Variants in USP49 observed in about 807,000 individuals in gnomAD.
USP49 encodes ubiquitin specific peptidase 49.
In USP49, 24 loss-of-function variants were observed where a neutral mutation model predicts 58.6. That is an observed-to-expected ratio of 0.41 (90% CI 0.30 to 0.58). USP49 has a LOEUF of 0.58. USP49 is among the 20% of genes least tolerant of loss of function. The pLI, the probability that USP49 is intolerant of heterozygous loss-of-function variation, is 0.30. For synonymous variants in USP49, 408 were observed against 365.1 expected (o/e 1.12, Z -1.34); for missense variants, 703 against 866.1 (o/e 0.81, Z 2.36).
rs928339877 is a variant in USP49, at chr6:41,790,808, G to A, written c.*5725C>T. 1.3e-5 allele frequency: 2 copies of A among 151,926 alleles called. No individual in the cohort carries two copies. The highest frequency in any genetic ancestry group is 1.3e-4 in the Admixed American group (2 of 15,260). 9.4% of individuals were successfully genotyped at this position (151,926 alleles called of 1,614,324 possible). A position where few individuals can be genotyped will look rare whatever the true frequency, so the allele number is the denominator to read the frequency against. On this transcript the variant is annotated 3_prime_UTR_variant, in exon 8 of 8. Transcript: ENST00000682992. ...AGATAGATCTTATCTGATAGATGAA[G>A]CTAAGACCCTTTGAGTCTACACTGG...
intron 3 of USP49, among the ~76,000 whole-genome samples, chr6:41,843,113 G>C (rs185248878): frequency 6.6e-6 from 1 of 152,280 alleles, no homozygotes; most frequent in East Asian, 1.9e-4. Context: ...GGGTTCAAGT[G>C]ATTCTCCTGC....
At chr6:41,841,025 A>C (rs988870866) in intron 3 of USP49, among the ~76,000 whole-genome samples, 3 of 148,968 alleles carry the variant, frequency 2.0e-5, no homozygotes, top group East Asian at 1.9e-4. Context: ...AAAAAAAAAA[A>C]CAAAAAACAA....
At chr6:41,832,258 A>G (rs779506268) in intron 3 of USP49, among the ~76,000 whole-genome samples, 1 of 152,156 alleles carries the variant, frequency 6.6e-6, no homozygotes, top group Non-Finnish European at 1.5e-5. Flanking sequence ...CTTCCCTTTG[A>G]TAAATTAACT....
At chr6:41,805,534 C>G (rs777148164) in intron 4 of USP49, 94 bp downstream of exon 4, 95 of 1,339,798 alleles carry the variant, frequency 7.1e-5, no homozygotes, top group Non-Finnish European at 9.2e-5. Context: ...CAAATGTGGG[C>G]TACTCTTATT....
chr6:41,809,218 T>C (rs545407527), intron 3 of USP49, among the ~76,000 whole-genome samples: 2 of 124,994 alleles, frequency 1.6e-5, no homozygotes, highest in South Asian at 5.7e-4. Context: ...GCCTAGTCTC[T>C]TTAAAATTAA....
intron 4 of USP49, among the ~76,000 whole-genome samples, chr6:41,804,392 C>T (rs1773072644): frequency 1.3e-5 from 2 of 152,188 alleles, no homozygotes; most frequent in Non-Finnish European, 2.9e-5. Context: ...TGGCATTCCT[C>T]CTCTTGACTT....
intron 3 of USP49, among the ~76,000 whole-genome samples, chr6:41,818,706 C>T (rs1773401563): frequency 6.6e-6 from 1 of 152,212 alleles, no homozygotes; most frequent in Non-Finnish European, 1.5e-5. Context: ...AATCCCAACA[C>T]ATGAATGTTC....
At chr6:41,825,948 C>A (rs1561910416) in intron 3 of USP49, among the ~76,000 whole-genome samples, 1 of 152,184 alleles carries the variant, frequency 6.6e-6, no homozygotes, top group Admixed American at 6.5e-5. Context: ...ACCATTCACA[C>A]AGAAACTTAA....
chr6:41,867,471 C>A (rs995905015), intron 3 of USP49, among the ~76,000 whole-genome samples: 1 of 151,286 alleles, frequency 6.6e-6, no homozygotes, highest in Admixed American at 6.6e-5. Flanking sequence ...TGGCCGGGCG[C>A]GGTGGCTCAA....
At chr6:41,811,637 A>C (rs929160625) in intron 3 of USP49, among the ~76,000 whole-genome samples, 12 of 152,082 alleles carry the variant, frequency 7.9e-5, no homozygotes, top group African/African-American at 2.7e-4. Context: ...TGGGTGCTCA[A>C]CTCTTAGTGG....
At chr6:41,836,905 C>T (rs985890163) in intron 3 of USP49, among the ~76,000 whole-genome samples, 1 of 151,776 alleles carries the variant, frequency 6.6e-6, no homozygotes, top group African/African-American at 2.4e-5. Flanking sequence ...TACAGCTAAT[C>T]AGGGAGGTGA....
chr6:41,797,382 G>C (rs1465703402), intron 7 of USP49, among the ~76,000 whole-genome samples: 2 of 152,228 alleles, frequency 1.3e-5, no homozygotes, highest in East Asian at 3.8e-4. Flanking sequence ...AGGAGGAGGA[G>C]AGGAGAAATG....
Position 41,791,249 on chromosome 6 carries a change from G to A in USP49, c.*5284C>T, listed in dbSNP as rs1249742088. 1 of 152,220 alleles carries A rather than the reference G, an allele frequency of 6.6e-6. No individual in the cohort carries two copies. Among genetic ancestry groups the A allele is most frequent in the East Asian group, 1.9e-4 (1 of 5,198 alleles). 9.4% of individuals were successfully genotyped at this position (152,220 alleles called of 1,614,324 possible). ...GGGTTTTAAAGCCATAATTATGGTT[G>A]AGTAAGGATTCATTTATTTATTTAT... On this transcript the variant is annotated 3_prime_UTR_variant, in exon 8 of 8. Transcript: ENST00000682992.
intron 3 of USP49, among the ~76,000 whole-genome samples, chr6:41,840,196 A>G (rs1384934007): frequency 6.6e-6 from 1 of 151,762 alleles, no homozygotes; most frequent in Non-Finnish European, 1.5e-5. Flanking sequence ...AACACGGTGA[A>G]ACCCTGTCTC....
At chr6:41,880,357 G>A (rs1774582606) in intron 2 of USP49, among the ~76,000 whole-genome samples, 1 of 152,018 alleles carries the variant, frequency 6.6e-6, no homozygotes, top group African/African-American at 2.4e-5. Flanking sequence ...GGGGCAAGGA[G>A]GAAAAGGAAG....
chr6:41,865,346 T>C (rs1372317535), intron 3 of USP49, among the ~76,000 whole-genome samples: 2 of 152,044 alleles, frequency 1.3e-5, no homozygotes, highest in Non-Finnish European at 2.9e-5. Flanking sequence ...CACCCAGCCC[T>C]CATTTTCTTT....
At chr6:41,813,866 C>G (rs1262558666) in intron 3 of USP49, among the ~76,000 whole-genome samples, 1 of 152,140 alleles carries the variant, frequency 6.6e-6, no homozygotes, top group Admixed American at 6.5e-5. Flanking sequence ...AAGAGAATAC[C>G]ACCTCAGGTA....
chr6:41,802,452 A>ATTTTTTTT lies in USP49; in HGVS notation c.1561+1353_1561+1354insAAAAAAAA, dbSNP rs1561902624. Among the ~76,000 whole-genome samples, 26 of 63,802 alleles carry ATTTTTTTT rather than the reference A, an allele frequency of 4.1e-4. 3 individuals are homozygous for ATTTTTTTT. The highest frequency in any genetic ancestry group is 1.2e-3 in the Admixed American group (6 of 4,890). The allele number at this position is 63,802 out of a possible 152,430, so 41.9% of individuals were successfully genotyped here. On this transcript the variant is annotated intron_variant, in intron 5 of 7. Transcript: ENST00000682992. ...ATTTTATTTATTTATTTATTTATTT[A>ATTTTTTTT]TTTATTTATTTATTTATTTTTTATT...
Position 41,806,534 on chromosome 6 carries a change from C to G in USP49, c.450G>C (p.Leu150=), listed in dbSNP as rs773913235. 1 of 1,600,172 alleles carries G rather than the reference C, an allele frequency of 6.2e-7. No homozygotes were observed. The highest frequency in any genetic ancestry group is 8.5e-7 in the Non-Finnish European group (1 of 1,179,250). ...ACCACAGCCGCAGCGTCCTGGCCAGCAGGCGCTGACGCCGGTACCACAGAG... is the reference window on the plus strand; with the variant it reads ...ACCACAGCCGCAGCGTCCTGGCCAGGAGGCGCTGACGCCGGTACCACAGAG... ...LTALWYRRQR[L]LARTLRLWFE... is the part of the protein sequence containing the mutation. Residue 150 remains leucine (L), a synonymous_variant, in exon 4 of 8, where the codon CTG becomes CTC. Transcript: ENST00000682992. This position sits in a 1 kb window ranked among gnomAD's most constrained non-coding sequence, Gnocchi z 5.9.
Sources: allele counts gnomAD v4.1 joint callset (sites outside exome capture counted in the v4.1 genomes callset), GRCh38; gene constraint gnomAD v4.1.1; non-coding constraint Gnocchi (gnomAD v3.1); transcripts MANE v1.5; gene names NCBI Gene and HGNC (gene_info 2026-07-23, HGNC 2026-07-21).